Variants in ACOT12 observed in about 807,000 individuals in gnomAD.
ACOT12 encodes acyl-CoA thioesterase 12, also known as acetyl-coenzyme A thioesterase.
ACOT12 carries 51 observed loss-of-function variants against 67.7 expected under a neutral mutation model. The ratio of observed to expected loss-of-function variants is 0.75; its 90% CI spans 0.60 to 0.95. The LOEUF (loss-of-function observed/expected upper bound fraction) is 0.95, where lower values mean the gene tolerates loss of function less well. Among genes scored for constraint, ACOT12 ranks in the 40% least tolerant of loss-of-function variants. The probability of loss-of-function intolerance (pLI) is 0.00; values close to 1 mark genes in which losing one functional copy is unlikely to be tolerated. For missense variants in ACOT12, 734 were observed against 708.1 expected (o/e 1.04, Z -0.41); for synonymous variants, 251 against 244.6 (o/e 1.03, Z -0.24).
the ACOT12 span, among the ~76,000 whole-genome samples, chr5:81,315,971 A>G: frequency 6.6e-6 from 1 of 152,186 alleles, no homozygotes; most frequent in Admixed American, 6.5e-5. Context: ...TATAATCTCC[A>G]CGGGGGGTGG....
chr5:81,308,911 A>G, the ACOT12 span: 10 of 1,566,688 alleles, frequency 6.4e-6, no homozygotes, highest in South Asian at 1.2e-5. Context: ...TGCCATATGT[A>G]TTGTCAACTG....
At chr5:81,392,761 A>C (rs1760897902) in intron 1 of ACOT12, among the ~76,000 whole-genome samples, 1 of 149,738 alleles carries the variant, frequency 6.7e-6, no homozygotes, top group Non-Finnish European at 1.5e-5. Flanking sequence ...AAAAAAAAAA[A>C]AGGCTTAAAC....
intron 3 of ACOT12, among the ~76,000 whole-genome samples, chr5:81,368,411 T>C (rs1489729788): frequency 1.3e-5 from 2 of 152,094 alleles, no homozygotes; most frequent in Non-Finnish European, 2.9e-5. Context: ...CAAGCACATA[T>C]AGAACATTCA....
intron 3 of ACOT12, among the ~76,000 whole-genome samples, chr5:81,365,976 T>C (rs1354102167): frequency 6.6e-6 from 1 of 152,200 alleles, no homozygotes. Context: ...CAAGAACAGC[T>C]TCTGAGGAAC....
In ACOT12 at chr5:81,384,386, C is replaced by A. The variant is rs147110650; in HGVS notation, c.197+1371G>T. The stretch of plus-strand genomic sequence containing the variant: ...CTGCTGACCTCAGGTGATCCACCCC[C>A]CTAGGCCTCCCAAAGTGCTGGGATT... On this transcript the variant is annotated intron_variant, in intron 2 of 14. Coordinates refer to ENST00000307624, the MANE Select transcript of ACOT12 (RefSeq NM_130767.3). Among the ~76,000 whole-genome samples, 7 of 152,090 alleles carry A rather than the reference C, an allele frequency of 4.6e-5. No individual in the cohort carries two copies. The East Asian group carries it at 1.2e-3, about 25-fold the overall frequency.
intron 2 of ACOT12, 81 bp downstream of exon 2, chr5:81,385,676 A>G: frequency 7.7e-7 from 1 of 1,300,470 alleles, no homozygotes; most frequent in Non-Finnish European, 1.1e-6. Flanking sequence ...CTCTGCCTGA[A>G]TAAGCTCAGG....
At chr5:81,367,970 T>C (rs1184387633) in intron 3 of ACOT12, among the ~76,000 whole-genome samples, 2 of 152,052 alleles carry the variant, frequency 1.3e-5, no homozygotes, top group Non-Finnish European at 2.9e-5. Flanking sequence ...AACTTCATAA[T>C]GATAAAAGGG....
At chr5:81,310,309 A>G in the ACOT12 span, among the ~76,000 whole-genome samples, 1 of 152,184 alleles carries the variant, frequency 6.6e-6, no homozygotes, top group African/African-American at 2.4e-5. Flanking sequence ...GTTTTAATTT[A>G]GAACACTTTA....
In ACOT12 at chr5:81,330,392, CT is replaced by C; in HGVS notation, c.*1del. 6.2e-7 allele frequency: 1 copy of C among 1,607,110 alleles called. No homozygotes were observed. The highest frequency in any genetic ancestry group is 8.5e-7 in the Non-Finnish European group (1 of 1,175,964). ...AAATTACCAGTAATTGAAAGTTGAC[CT>C]TTAAAATGTGCTTACAAACCCATCA... On this transcript the variant is annotated 3_prime_UTR_variant, in exon 15 of 15. Transcript: ENST00000307624.
rs149138218 is a variant in ACOT12 at position 81,385,006 on chromosome 5, A to G, written c.197+751T>C. Among the ~76,000 whole-genome samples, 402 of 152,348 alleles carry G rather than the reference A, an allele frequency of 2.6e-3. 1 individual carries two copies. The highest frequency in any genetic ancestry group is 9.4e-3 in the African/African-American group (389 of 41,572). On this transcript the variant is annotated intron_variant, in intron 2 of 14. Transcript: ENST00000307624. Reference sequence around the variant, plus strand: ...AAATTTTCTACAGTAAAAGATGGTTAAGAACTTTCACACATAAAATGTTTT... The same window carrying G: ...AAATTTTCTACAGTAAAAGATGGTTGAGAACTTTCACACATAAAATGTTTT...
intron 3 of ACOT12, among the ~76,000 whole-genome samples, chr5:81,367,526 T>G (rs1760118986): frequency 6.6e-6 from 1 of 152,158 alleles, no homozygotes; most frequent in Non-Finnish European, 1.5e-5. Flanking sequence ...AGTTAAGTAG[T>G]CATATTGCAA....
At chr5:81,322,651 G>A in the ACOT12 span, among the ~76,000 whole-genome samples, 2 of 152,262 alleles carry the variant, frequency 1.3e-5, no homozygotes, top group East Asian at 1.9e-4. Flanking sequence ...GTTCTCAACA[G>A]TACTGCTATG....
chr5:81,332,981 AT>A (rs1488103486), intron 12 of ACOT12, among the ~76,000 whole-genome samples: 2 of 151,762 alleles, frequency 1.3e-5, no homozygotes, highest in African/African-American at 2.4e-5. Flanking sequence ...AGGTGGGAAT[AT>A]CACTTGAGCC....
At chr5:81,389,271 G>A (rs1220117045) in intron 1 of ACOT12, among the ~76,000 whole-genome samples, 3 of 152,176 alleles carry the variant, frequency 2.0e-5, no homozygotes, top group Non-Finnish European at 1.5e-5. Flanking sequence ...GAGTGGGTGA[G>A]ATGAGGCTGG....
Position 81,332,596 on chromosome 5 carries a change from T to C in ACOT12, c.1272A>G (p.Glu424=), listed in dbSNP as rs1232233427. 1 of 1,614,052 alleles carries C rather than the reference T, an allele frequency of 6.2e-7. No homozygotes were observed. Among genetic ancestry groups the C allele is most frequent in the Admixed American group, 1.7e-5 (1 of 60,014 alleles). Residue 424 remains glutamate (E), a synonymous_variant, in exon 13 of 15, where the codon GAA becomes GAG. Transcript: ENST00000307624. ...CATCTTCACTCACCCAGTCTATGAC[T>C]TCACAGGACCTGTGTATATAGAACA... The part of the protein sequence containing the change: ...PLWDPHFVSC[E]VIDWVSEDDQ...
chr5:81,323,803 T>A, the ACOT12 span, among the ~76,000 whole-genome samples: 32 of 150,628 alleles, frequency 2.1e-4, no homozygotes, highest in African/African-American at 6.6e-4. Context: ...AAGATAGGTT[T>A]TATATATATA....
chr5:81,362,036 G>A (rs1759925334), intron 4 of ACOT12, among the ~76,000 whole-genome samples: 1 of 152,114 alleles, frequency 6.6e-6, no homozygotes, highest in Non-Finnish European at 1.5e-5. Flanking sequence ...GTCTGGAAAG[G>A]TGCTTTACAA....
the ACOT12 span, chr5:81,311,227 T>C: frequency 4.4e-5 from 71 of 1,614,078 alleles, no homozygotes; most frequent in Admixed American, 4.5e-4. Context: ...GTTGCAAACT[T>C]TGTGGCTCTG....
At chr5:81,358,036 A>G (rs1759778042) in intron 5 of ACOT12, among the ~76,000 whole-genome samples, 2 of 151,528 alleles carry the variant, frequency 1.3e-5, no homozygotes, top group Admixed American at 1.3e-4. Flanking sequence ...AAAAAGAAGA[A>G]GAAGAAAAAC....
Sources: gnomAD v4.1 joint callset for allele counts (sites outside exome capture counted in the v4.1 genomes callset) on GRCh38, gnomAD v4.1.1 for gene constraint, MANE v1.5 for transcripts, NCBI Gene and HGNC (gene_info 2026-07-23, HGNC 2026-07-21) for gene names.